Variants in CCDC171 observed in about 807,000 individuals in gnomAD.
CCDC171 encodes the protein coiled-coil domain-containing protein 171.
In CCDC171, 177 loss-of-function variants were observed where a neutral mutation model predicts 168.2. That is an observed-to-expected ratio of 1.05 (90% CI 0.93 to 1.19). The LOEUF is 1.19. Among genes scored for constraint, CCDC171 ranks in the 50% most tolerant of loss-of-function variants. The pLI is 0.00. For missense variants in CCDC171, 1,991 were observed against 1,539.0 expected (o/e 1.29, Z -4.91); for synonymous variants, 687 against 540.8 (o/e 1.27, Z -3.75).
At chr9:15,762,155 CTTT>C (rs763343953) in intron 18 of CCDC171, among the ~76,000 whole-genome samples, 2 of 122,716 alleles carry the variant, frequency 1.6e-5, no homozygotes. Context: ...GAGCCTGAAG[CTTT>C]TTTTTTTTTT....
rs185319826 is a variant in CCDC171 at position 16,013,444 on chromosome 9, C to T, written n.369-7145C>T. Among the ~76,000 whole-genome samples, 247 of 152,294 alleles carry T rather than the reference C, an allele frequency of 1.6e-3. 1 individual carries two copies. The highest frequency in any genetic ancestry group is 6.0e-3 in the Admixed American group (92 of 15,290). Reference sequence around the variant, plus strand: ...ATCTCTTCTATTTACTCACTAAGGCCTACCTTTGCAATCTGACGTTCAAAG... The same window carrying T: ...ATCTCTTCTATTTACTCACTAAGGCTTACCTTTGCAATCTGACGTTCAAAG... On this transcript the variant is annotated intron_variant and non_coding_transcript_variant, in intron 3 of 9. Transcript: ENST00000486641.
the CCDC171 span, among the ~76,000 whole-genome samples, chr9:16,073,679 C>G: frequency 6.6e-6 from 1 of 152,186 alleles, no homozygotes; most frequent in African/African-American, 2.4e-5. Context: ...TGTTGGGTGG[C>G]AAACCTCACC....
chr9:15,590,773 C>CTTTCTTTCTTTCT (rs2041926598), intron 4 of CCDC171, among the ~76,000 whole-genome samples: 1 of 75,604 alleles, frequency 1.3e-5, no homozygotes, highest in Non-Finnish European at 2.9e-5. Flanking sequence ...CTTTCTTTCT[C>CTTTCTTTCTTTCT]TTTCTTTCTT....
intron 25 of CCDC171, among the ~76,000 whole-genome samples, chr9:15,950,633 T>C (rs942283728): frequency 1.3e-5 from 2 of 151,566 alleles, no homozygotes; most frequent in Non-Finnish European, 2.9e-5. Flanking sequence ...GCGCTAAACA[T>C]GGAAAGGAAC....
At chr9:15,642,329 ACACGTGTGTGTGTG>A (rs1181005609) in intron 7 of CCDC171, among the ~76,000 whole-genome samples, 3 of 132,052 alleles carry the variant, frequency 2.3e-5, no homozygotes, top group Admixed American at 7.7e-5. Context: ...ATATATATAT[ACACGTGTGTGTGTG>A]TATATATATA....
At chr9:15,593,447 A>G (rs150924987) in intron 5 of CCDC171, among the ~76,000 whole-genome samples, 1 of 152,298 alleles carries the variant, frequency 6.6e-6, no homozygotes, top group East Asian at 1.9e-4. Context: ...TAGAAATTAA[A>G]GTCCATACTT....
At chr9:15,828,614 C>T (rs2060109925) in intron 21 of CCDC171, among the ~76,000 whole-genome samples, 1 of 152,050 alleles carries the variant, frequency 6.6e-6, no homozygotes, top group South Asian at 2.1e-4. Context: ...GATTTAAGTG[C>T]AATACAGAAT....
chr9:15,849,204 C>A (rs17341112), intron 23 of CCDC171, among the ~76,000 whole-genome samples: 1 of 151,390 alleles, frequency 6.6e-6, no homozygotes, highest in African/African-American at 2.4e-5. Context: ...GAATTATTTG[C>A]GGTCTTTGCT....
At chr9:16,092,510 A>C in the CCDC171 span, among the ~76,000 whole-genome samples, 1 of 151,646 alleles carries the variant, frequency 6.6e-6, no homozygotes. Flanking sequence ...ACTGCTCCCC[A>C]CCCCGCCGCC....
intron 25 of CCDC171, among the ~76,000 whole-genome samples, chr9:15,939,171 G>A (rs983862771): frequency 2.7e-5 from 4 of 150,644 alleles, no homozygotes; most frequent in African/African-American, 4.9e-5. Flanking sequence ...TCTATATACT[G>A]TGTCTAAATA....
chr9:15,974,734 T>G (rs111603478), downstream of CCDC171, among the ~76,000 whole-genome samples: 379 of 152,322 alleles, frequency 2.5e-3, 3 homozygotes, highest in African/African-American at 8.2e-3. Flanking sequence ...ACCTTTTAAA[T>G]AGAATGATCA....
At chr9:15,753,321 A>G (rs2055884090) in intron 18 of CCDC171, among the ~76,000 whole-genome samples, 1 of 152,180 alleles carries the variant, frequency 6.6e-6, no homozygotes, top group South Asian at 2.1e-4. Flanking sequence ...GGTTAAGCAG[A>G]GATGCAGTTG....
chr9:15,748,698 T>C (rs201999615), intron 18 of CCDC171, among the ~76,000 whole-genome samples: 2 of 152,138 alleles, frequency 1.3e-5, no homozygotes, highest in African/African-American at 4.8e-5. Context: ...AATTTTCAAC[T>C]CAGAATTTCA....
rs745604019 is a variant in CCDC171 at position 15,623,290 on chromosome 9, T to G, written c.699T>G (p.Asn233Lys). Residue 233 changes from asparagine to lysine, a missense_variant, in exon 7 of 26, where the codon AAT becomes AAG. Coordinates refer to ENST00000380701, the MANE Select transcript of CCDC171 (RefSeq NM_173550.4). The part of the protein sequence containing the change: ...IVQEQDTAVQ[N>K]MHKKVEKLET... Reference sequence around the variant, plus strand: ...AGGAGCAAGATACTGCTGTGCAAAATATGCATAAGAAAGTAGAAAAATTAG... The same window carrying G: ...AGGAGCAAGATACTGCTGTGCAAAAGATGCATAAGAAAGTAGAAAAATTAG... 1 of 1,589,958 alleles carries G rather than the reference T, an allele frequency of 6.3e-7. No individual in the cohort carries two copies. The highest frequency in any genetic ancestry group is 2.3e-5 in the East Asian group (1 of 44,314).
chr9:16,060,611 TTAACCACCTTCTTGCTTTG>T lies in CCDC171; in HGVS notation n.90-33_90-15del, dbSNP rs536371049. 7.9e-5 allele frequency: 12 copies of T among 152,406 alleles called. No homozygotes were observed. The South Asian group carries it at 2.3e-3, about 29-fold the overall frequency. 9.4% of individuals were successfully genotyped at this position (152,406 alleles called of 1,614,324 possible). Reference sequence around the variant, plus strand: ...CTGTGTCAGCCCCATTGATTGCTTTTTAACCACCTTCTTGCTTTGTGCTGCTTCTTTCAGATGAAAAGGA... The same window carrying T: ...CTGTGTCAGCCCCATTGATTGCTTTTTGCTGCTTCTTTCAGATGAAAAGGA... On this transcript the variant is annotated splice_polypyrimidine_tract_variant and intron_variant and non_coding_transcript_variant, in intron 1 of 1. Coordinates refer to the CCDC171 transcript ENST00000478913.
chr9:15,773,810 A>T (rs1396849504), intron 18 of CCDC171, among the ~76,000 whole-genome samples: 2 of 152,232 alleles, frequency 1.3e-5, no homozygotes, highest in Non-Finnish European at 1.5e-5. Flanking sequence ...TAAACTAAAA[A>T]GCTTCTGCAC....
intron 21 of CCDC171, among the ~76,000 whole-genome samples, chr9:15,788,694 C>CAGCTTCTATTAGCAGGGTGTGGTCT (rs1407315665): frequency 2.0e-5 from 3 of 151,542 alleles, no homozygotes; most frequent in African/African-American, 4.8e-5. Flanking sequence ...GGTCTACAGA[C>CAGCTTCTATTAGCAGGGTGTGGTCT]ACATGCCACC....
chr9:15,828,000 A>G (rs1468046947), intron 21 of CCDC171, among the ~76,000 whole-genome samples: 1 of 152,174 alleles, frequency 6.6e-6, no homozygotes, highest in Non-Finnish European at 1.5e-5. Flanking sequence ...CAATAGTAGG[A>G]TTTCATGACA....
Position 15,884,796 on chromosome 9 carries a change from AT to A in CCDC171, c.3600+10137del, listed in dbSNP as rs1311093452. Among the ~76,000 whole-genome samples the A allele has an allele frequency of 3.9e-5, 6 of 152,250 alleles. No individual in the cohort carries two copies. The East Asian group carries it at 1.2e-3, about 29-fold the overall frequency. On this transcript the variant is annotated intron_variant, in intron 24 of 25. Coordinates refer to ENST00000380701, the MANE Select transcript of CCDC171 (RefSeq NM_173550.4). Reference sequence around the variant, plus strand: ...ATGAGATAATGTGCATGTGAAGGTGATTTTCACATTAAAAAATGCTATATTA... The same window carrying A: ...ATGAGATAATGTGCATGTGAAGGTGATTTCACATTAAAAAATGCTATATTA...
Sources: gnomAD v4.1 joint callset for allele counts (sites outside exome capture counted in the v4.1 genomes callset) on GRCh38, gnomAD v4.1.1 for gene constraint, MANE v1.5 for transcripts, NCBI Gene and HGNC (gene_info 2026-07-23, HGNC 2026-07-21) for gene names.